PVT1: variants seen among roughly 807,000 people sequenced by gnomAD.
PVT1 encodes CXCR4/PVT1 fusion.
At chr8:128,039,179 G>A (rs970529684) in intron 4 of PVT1, among the ~76,000 whole-genome samples, 2 of 152,194 alleles carry the variant, frequency 1.3e-5, no homozygotes, top group African/African-American at 2.4e-5. Flanking sequence ...GTGGGAAATA[G>A]TAGCTGCTTG....
At chr8:128,038,681 C>A (rs746336104) in intron 4 of PVT1, among the ~76,000 whole-genome samples, 2 of 152,090 alleles carry the variant, frequency 1.3e-5, no homozygotes, top group Non-Finnish European at 2.9e-5. Context: ...TCCTTGGGGA[C>A]GGAATCCTCT....
intron 4 of PVT1, among the ~76,000 whole-genome samples, chr8:128,023,268 A>C (rs1346040992): frequency 6.6e-6 from 1 of 152,180 alleles, no homozygotes; most frequent in Non-Finnish European, 1.5e-5. Context: ...CGGGAGAAGA[A>C]AGAATGACAC....
intron 4 of PVT1, among the ~76,000 whole-genome samples, chr8:128,037,071 A>G (rs1300517577): frequency 1.3e-5 from 2 of 152,100 alleles, no homozygotes; most frequent in East Asian, 3.9e-4. Flanking sequence ...AGCCACCGCC[A>G]CTGCCACTGC....
intron 3 of PVT1, among the ~76,000 whole-genome samples, chr8:127,893,425 C>A (rs1006506155): frequency 6.6e-6 from 1 of 152,086 alleles, no homozygotes; most frequent in African/African-American, 2.4e-5. Context: ...TACAGGCGTG[C>A]GCCACCATGC....
intron 4 of PVT1, among the ~76,000 whole-genome samples, chr8:128,023,495 A>G (rs1817461203): frequency 6.6e-6 from 1 of 152,226 alleles, no homozygotes; most frequent in Non-Finnish European, 1.5e-5. Flanking sequence ...AGTAATAACT[A>G]TTACTATTAC....
chr8:128,083,488 CA>C (rs34328337), intron 5 of PVT1, among the ~76,000 whole-genome samples: 1 of 151,866 alleles, frequency 6.6e-6, no homozygotes, highest in Non-Finnish European at 1.5e-5. Context: ...TTCTTTTTGA[CA>C]AAAAAAGGCT....
At chr8:128,053,023 C>A (rs889851074) in intron 4 of PVT1, among the ~76,000 whole-genome samples, 1 of 152,190 alleles carries the variant, frequency 6.6e-6, no homozygotes, top group African/African-American at 2.4e-5. Context: ...CAAAGATGCT[C>A]AGCAAATGGG....
intron 4 of PVT1, among the ~76,000 whole-genome samples, chr8:128,048,277 CAG>C (rs1466861063): frequency 6.6e-6 from 1 of 152,162 alleles, no homozygotes; most frequent in Admixed American, 6.5e-5. Context: ...AATGAATGAA[CAG>C]AGAGAGGAGT....
At chr8:128,028,064 C>T (rs1054897675) in intron 4 of PVT1, among the ~76,000 whole-genome samples, 1 of 152,242 alleles carries the variant, frequency 6.6e-6, no homozygotes, top group African/African-American at 2.4e-5. Context: ...GCCACGGGCT[C>T]CCGCCAAACC....
chr8:128,029,504 A>T (rs1291678087), intron 4 of PVT1, among the ~76,000 whole-genome samples: 1 of 152,138 alleles, frequency 6.6e-6, no homozygotes, highest in Non-Finnish European at 1.5e-5. Context: ...AAGAAAACTT[A>T]AAAAATACTT....
intron 2 of PVT1, among the ~76,000 whole-genome samples, chr8:127,832,586 T>C (rs183486684): frequency 0.012 from 1,797 of 152,258 alleles, 17 homozygotes; most frequent in African/African-American, 0.024. Flanking sequence ...TGGCCGGGTG[T>C]GGTGGCTCAC....
chr8:127,848,151 A>G (rs1815056506), intron 2 of PVT1, among the ~76,000 whole-genome samples: 1 of 152,164 alleles, frequency 6.6e-6, no homozygotes, highest in Non-Finnish European at 1.5e-5. Flanking sequence ...GGGGTTATGC[A>G]TTTTTAGGAG....
rs1009496572 is a variant in PVT1 at position 128,012,390 on chromosome 8, A to G, written n.912+23099A>G. On this transcript the variant is annotated intron_variant and non_coding_transcript_variant, in intron 4 of 10. Transcript: ENST00000651587. ...TTTTGGTAAATTCATCAACATCAATATCCCCTTTAATGCTCACAAATGCCC... is the reference window on the plus strand; with the variant it reads ...TTTTGGTAAATTCATCAACATCAATGTCCCCTTTAATGCTCACAAATGCCC... Among the ~76,000 whole-genome samples, 98 of 152,210 alleles carry G rather than the reference A, an allele frequency of 6.4e-4. 1 individual carries two copies. Among genetic ancestry groups the G allele is most frequent in the Admixed American group, 5.2e-3 (79 of 15,284 alleles).
intron 5 of PVT1, among the ~76,000 whole-genome samples, chr8:128,088,965 GGTGCT>G (rs1337278996): frequency 6.6e-6 from 1 of 152,208 alleles, no homozygotes; most frequent in Non-Finnish European, 1.5e-5. Context: ...CCAGGAGGCA[GGTGCT>G]GTGCCAACTT....
intron 3 of PVT1, among the ~76,000 whole-genome samples, chr8:127,927,292 C>A (rs1422323419): frequency 6.6e-6 from 1 of 152,184 alleles, no homozygotes; most frequent in East Asian, 1.9e-4. Flanking sequence ...GGAAAGACAT[C>A]CAGAAGGAGT....
chr8:127,906,630 C>T (rs1815824922), intron 3 of PVT1, among the ~76,000 whole-genome samples: 2 of 152,034 alleles, frequency 1.3e-5, no homozygotes, highest in Non-Finnish European at 2.9e-5. Context: ...CTCTGTTTTG[C>T]CATCCGGAGA....
intron 2 of PVT1, among the ~76,000 whole-genome samples, chr8:127,872,105 A>G (rs1815357717): frequency 6.6e-6 from 1 of 151,070 alleles, no homozygotes; most frequent in South Asian, 2.1e-4. Context: ...AAAAACAAAA[A>G]CAAAAGAACC....
chr8:127,931,955 C>T (rs1161592144), intron 3 of PVT1, among the ~76,000 whole-genome samples: 2 of 152,262 alleles, frequency 1.3e-5, no homozygotes, highest in East Asian at 1.9e-4. Context: ...TGCATAACAA[C>T]GGGTTACTCA....
At chr8:128,037,783 A>G (rs1202782325) in intron 4 of PVT1, among the ~76,000 whole-genome samples, 1 of 152,126 alleles carries the variant, frequency 6.6e-6, no homozygotes, top group Non-Finnish European at 1.5e-5. Flanking sequence ...GGTGGCTTAG[A>G]GCCCAGCAGC....
Sources: allele counts gnomAD v4.1 joint callset (sites outside exome capture counted in the v4.1 genomes callset), GRCh38; gene constraint gnomAD v4.1.1; transcripts MANE v1.5; gene names NCBI Gene and HGNC (gene_info 2026-07-23, HGNC 2026-07-21).